Variants in LCOR observed in about 807,000 individuals in gnomAD.
LCOR encodes ligand-dependent corepressor.
A neutral mutation model predicts 64.4 loss-of-function variants in LCOR; 14 were observed. The observed-to-expected ratio is 0.22, with a 90% CI of 0.14 to 0.34. The LOEUF is 0.34. Among genes scored for constraint, LCOR ranks in the 10% least tolerant of loss-of-function variants. LCOR has a pLI of 1.00. For synonymous variants in LCOR, 643 were observed against 642.5 expected (o/e 1.00, Z -0.01); for missense variants, 1,686 against 1,765.3 (o/e 0.96, Z 0.80).
intron 2 of LCOR, among the ~76,000 whole-genome samples, chr10:96,896,048 A>G (rs1296473089): frequency 2.0e-5 from 3 of 151,850 alleles, no homozygotes; most frequent in African/African-American, 4.8e-5. Flanking sequence ...TGCCATTACA[A>G]CCCAGCCTGG....
At chr10:96,856,762 C>A (rs1319941172) in intron 2 of LCOR, among the ~76,000 whole-genome samples, 2 of 151,934 alleles carry the variant, frequency 1.3e-5, no homozygotes, top group Non-Finnish European at 2.9e-5. Flanking sequence ...CAGGTGTGAG[C>A]CACTGTGCCC....
At chr10:96,969,888 T>C (rs1382279971) in intron 7 of LCOR, among the ~76,000 whole-genome samples, 1 of 146,518 alleles carries the variant, frequency 6.8e-6, no homozygotes. Flanking sequence ...CACACCATTC[T>C]CCTGCCTTAG....
intron 5 of LCOR, among the ~76,000 whole-genome samples, chr10:96,946,548 T>G (rs1412387847): frequency 6.6e-6 from 1 of 152,106 alleles, no homozygotes; most frequent in Non-Finnish European, 1.5e-5. Context: ...TTTTCTGCAG[T>G]TTTATTTTTC....
intron 7 of LCOR, among the ~76,000 whole-genome samples, chr10:96,969,045 G>A (rs904322008): frequency 1.3e-5 from 2 of 152,168 alleles, no homozygotes; most frequent in African/African-American, 4.8e-5. Flanking sequence ...GAGGGTCATA[G>A]ATTTGCTATA....
Position 96,985,828 on chromosome 10 carries a change from A to G in LCOR, c.*694A>G, listed in dbSNP as rs1021994470. 12 of 167,090 alleles carry G rather than the reference A, an allele frequency of 7.2e-5. No homozygotes were observed. Among genetic ancestry groups the G allele is most frequent in the African/African-American group, 2.7e-4 (11 of 41,454 alleles). 10.4% of individuals were successfully genotyped at this position (167,090 alleles called of 1,614,324 possible). ...ATTATGTGCCCATGGGACAAGAGAT[A>G]TGTCACAAGTGTTAATTTTTGTTTA... On this transcript the variant is annotated 3_prime_UTR_variant, in exon 8 of 8. Coordinates refer to ENST00000421806, the MANE Select transcript of LCOR (RefSeq NM_001346516.2).
chr10:96,946,069 G>A (rs181872563), intron 5 of LCOR, among the ~76,000 whole-genome samples: 1 of 152,094 alleles, frequency 6.6e-6, no homozygotes, highest in Admixed American at 6.5e-5. Flanking sequence ...GTACAGGCAT[G>A]TGATGCTCAG....
intron 6 of LCOR, among the ~76,000 whole-genome samples, 186 bp downstream of exon 6, chr10:96,949,481 A>C (rs1847641813): frequency 6.6e-6 from 1 of 152,226 alleles, no homozygotes; most frequent in African/African-American, 2.4e-5. Flanking sequence ...CTTATCTGTC[A>C]GCAGTTCATA....
At chr10:96,849,281 G>C (rs2134376092) in intron 2 of LCOR, among the ~76,000 whole-genome samples, 1 of 151,898 alleles carries the variant, frequency 6.6e-6, no homozygotes, top group Non-Finnish European at 1.5e-5. Flanking sequence ...CACTGTGTTA[G>C]CCAGGATGGT....
chr10:96,994,592 C>T lies in LCOR; in HGVS notation c.*9458C>T, dbSNP rs1290254917. 6.6e-6 allele frequency: 1 copy of T among 152,138 alleles called. No individual in the cohort carries two copies. Among genetic ancestry groups the T allele is most frequent in the Non-Finnish European group, 1.5e-5 (1 of 68,030 alleles). 9.4% of individuals were successfully genotyped at this position (152,138 alleles called of 1,614,324 possible). A position where few individuals can be genotyped will look rare whatever the true frequency, so the allele number is the denominator to read the frequency against. Reference sequence around the variant, plus strand: ...AGTGGGTGCATTAGGATAAAACTTTCCCTTGCTGAGCCTGAAGGCAAGCAA... The same window carrying T: ...AGTGGGTGCATTAGGATAAAACTTTTCCTTGCTGAGCCTGAAGGCAAGCAA... On this transcript the variant is annotated 3_prime_UTR_variant, in exon 8 of 8. Coordinates refer to ENST00000421806, the MANE Select transcript of LCOR (RefSeq NM_001346516.2).
At chr10:96,921,945 G>A (rs538029990) in intron 4 of LCOR, among the ~76,000 whole-genome samples, 1 of 152,306 alleles carries the variant, frequency 6.6e-6, no homozygotes, top group South Asian at 2.1e-4. Context: ...ATGTCTACTA[G>A]CACCACATTC....
intron 7 of LCOR, among the ~76,000 whole-genome samples, chr10:96,965,014 A>AT (rs1369880635): frequency 2.8e-3 from 416 of 148,278 alleles, no homozygotes; most frequent in Non-Finnish European, 2.1e-3. Flanking sequence ...TTTAAAAAAA[A>AT]TTTTTTTTTT....
Position 96,944,125 on chromosome 10 carries a change from G to T in LCOR, c.-171G>T, listed in dbSNP as rs1018471701. 4.1e-6 allele frequency: 4 copies of T among 985,632 alleles called. No individual in the cohort carries two copies. Among genetic ancestry groups the T allele is most frequent in the Non-Finnish European group, 4.8e-6 (4 of 829,898 alleles). 61.1% of individuals were successfully genotyped at this position (985,632 alleles called of 1,614,324 possible). ...AGTATTTTTGCAGGGACACTTAGTC[G>T]GTCTGGATGAACCAGCTTCGGGAGC... On this transcript the variant is annotated 5_prime_UTR_variant, in exon 5 of 8. Transcript: ENST00000421806.
At chr10:96,898,316 C>T (rs987716644) in intron 2 of LCOR, among the ~76,000 whole-genome samples, 1 of 152,074 alleles carries the variant, frequency 6.6e-6, no homozygotes, top group Admixed American at 6.6e-5. Context: ...GAAGCATTGA[C>T]AGTATGTGTT....
At chr10:96,856,541 C>G (rs992505479) in intron 2 of LCOR, among the ~76,000 whole-genome samples, 1 of 150,950 alleles carries the variant, frequency 6.6e-6, no homozygotes, top group Non-Finnish European at 1.5e-5. Context: ...TCCCTGTACC[C>G]CTCCACTCTG....
At chr10:96,837,236 C>T (rs376931114) in intron 2 of LCOR, among the ~76,000 whole-genome samples, 1 of 151,930 alleles carries the variant, frequency 6.6e-6, no homozygotes, top group South Asian at 2.1e-4. Flanking sequence ...GTGATCTGCC[C>T]GCCTTGGCCT....
intron 2 of LCOR, among the ~76,000 whole-genome samples, chr10:96,852,660 C>T (rs368723282): frequency 1.3e-5 from 2 of 152,138 alleles, no homozygotes; most frequent in East Asian, 1.9e-4. Flanking sequence ...CAGGCTTCTT[C>T]AGAAGCCCAT....
intron 4 of LCOR, among the ~76,000 whole-genome samples, chr10:96,920,604 A>G (rs866366553): frequency 3.7e-4 from 53 of 143,042 alleles, no homozygotes; most frequent in African/African-American, 1.3e-3. Flanking sequence ...ATGTATGTAT[A>G]TTCATATATG....
intron 4 of LCOR, among the ~76,000 whole-genome samples, chr10:96,937,739 C>A (rs915349453): frequency 2.0e-5 from 3 of 152,120 alleles, no homozygotes; most frequent in African/African-American, 7.2e-5. Flanking sequence ...AGAGAGAAGA[C>A]GTCCTTATTC....
At chr10:96,973,166 A>AT in intron 7 of LCOR, among the ~76,000 whole-genome samples, 1 of 152,194 alleles carries the variant, frequency 6.6e-6, no homozygotes, top group Non-Finnish European at 1.5e-5. Flanking sequence ...GAAATCACAT[A>AT]TTTAACAGCC....
Sources: allele counts gnomAD v4.1 joint callset (sites outside exome capture counted in the v4.1 genomes callset), GRCh38; gene constraint gnomAD v4.1.1; transcripts MANE v1.5; gene names NCBI Gene and HGNC (gene_info 2026-07-23, HGNC 2026-07-21).